C8orf74: variants seen among roughly 807,000 people sequenced by gnomAD.
C8orf74 encodes the protein uncharacterized protein C8orf74.
A neutral mutation model predicts 22.2 loss-of-function variants in C8orf74; 29 were observed. The observed-to-expected ratio is 1.31, with a 90% CI of 0.97 to 1.78. The LOEUF is 1.78. C8orf74 is among the 40% of genes most tolerant of loss of function. The pLI, the probability that C8orf74 is intolerant of heterozygous loss-of-function variation, is 0.00. For synonymous variants in C8orf74, 255 were observed against 163.1 expected (o/e 1.56, Z -4.30); for missense variants, 515 against 369.9 (o/e 1.39, Z -3.22).
At chr8:10,684,239 T>C (rs777314300) in intron 2 of C8orf74, among the ~76,000 whole-genome samples, 2 of 152,184 alleles carry the variant, frequency 1.3e-5, no homozygotes, top group African/African-American at 4.8e-5. Flanking sequence ...CATCACACAA[T>C]AGAGGGAAGA....
chr8:10,679,207 G>A (rs374710066), intron 2 of C8orf74, among the ~76,000 whole-genome samples: 13 of 152,254 alleles, frequency 8.5e-5, no homozygotes, highest in African/African-American at 2.9e-4. Context: ...TATGGCCCTG[G>A]AACGGTGGTC....
At chr8:10,691,713 C>G (rs1245303776) in intron 2 of C8orf74, 1 of 152,446 alleles carries the variant, frequency 6.6e-6, no homozygotes, top group Non-Finnish European at 1.5e-5. Flanking sequence ...CCTCTCACGT[C>G]TGGCCTCAGT....
chr8:10,679,597 C>G (rs558368151), intron 2 of C8orf74, among the ~76,000 whole-genome samples: 46 of 152,332 alleles, frequency 3.0e-4, no homozygotes, highest in South Asian at 1.9e-3. Context: ...CTAAGCCTCT[C>G]CCCGTCCTTG....
chr8:10,694,443 T>G (rs1799446306), intron 2 of C8orf74, among the ~76,000 whole-genome samples: 3 of 152,116 alleles, frequency 2.0e-5, no homozygotes, highest in Non-Finnish European at 2.9e-5. Context: ...GAGATAATTT[T>G]GAAGGCTTCA....
chr8:10,691,192 G>A (rs957281576), intron 2 of C8orf74: 1 of 344,260 alleles, frequency 2.9e-6, no homozygotes, highest in Admixed American at 3.8e-5. Context: ...CTTCCCTGTT[G>A]ACCCAGGACA....
chr8:10,680,676 A>C (rs1318594924), intron 2 of C8orf74, among the ~76,000 whole-genome samples: 7 of 152,224 alleles, frequency 4.6e-5, no homozygotes, highest in African/African-American at 1.7e-4. Flanking sequence ...CCAGCTGCCC[A>C]CACTCATGCT....
chr8:10,689,464 T>C (rs956264799), intron 2 of C8orf74: 1 of 152,226 alleles, frequency 6.6e-6, no homozygotes, highest in Non-Finnish European at 1.5e-5. Flanking sequence ...CTCATTAGCA[T>C]ATTAAAGCTC....
intron 2 of C8orf74, chr8:10,687,174 G>A: frequency 2.2e-6 from 1 of 455,800 alleles, no homozygotes. Flanking sequence ...ATTACTTATT[G>A]AGTGTTTACT....
rs536862485 is a variant in C8orf74, at chr8:10,694,001, C to T, written c.242-3598C>T. 2.0e-5 allele frequency among the ~76,000 whole-genome samples: 3 copies of T among 152,338 alleles called. No homozygotes were observed. In the South Asian group the frequency reaches 6.2e-4, roughly 32 times the overall value. On this transcript the variant is annotated intron_variant, in intron 2 of 3. Transcript: ENST00000304519. The stretch of plus-strand genomic sequence containing the variant: ...CACCCAGGCCAGGCTGCTGCCTGCT[C>T]CTCTGCTGTCACTCAGCTGGGCTGT...
chr8:10,700,121 G>T, intron 3 of C8orf74, 114 bp from the exon 4 acceptor site: 1 of 665,194 alleles, frequency 1.5e-6, no homozygotes. Context: ...CCGTGGGCAG[G>T]GTGAGACGGA....
intron 2 of C8orf74, among the ~76,000 whole-genome samples, chr8:10,687,462 CA>C (rs1185431750): frequency 6.6e-6 from 1 of 151,792 alleles, no homozygotes; most frequent in Non-Finnish European, 1.5e-5. Context: ...CCAGCCTGAC[CA>C]ACATGGCAAA....
intron 2 of C8orf74, chr8:10,687,324 G>A: frequency 3.2e-6 from 1 of 316,714 alleles, no homozygotes; most frequent in South Asian, 2.5e-5. Flanking sequence ...TATATGCAAT[G>A]GTTTTTATTA....
intron 2 of C8orf74, 46 bp downstream of exon 2, chr8:10,674,884 G>A (rs200749156): frequency 6.6e-7 from 1 of 1,509,734 alleles, no homozygotes; most frequent in Non-Finnish European, 8.9e-7. Flanking sequence ...GGCGGGATGG[G>A]GTGGGTACAC....
rs1278011554 is a variant in C8orf74 at position 10,700,462 on chromosome 8, A to G, written c.876A>G (p.Ala292=). 6 of 1,551,910 alleles carry G rather than the reference A, an allele frequency of 3.9e-6. No individual in the cohort carries two copies. The highest frequency in any genetic ancestry group is 5.2e-6 in the Non-Finnish European group (6 of 1,146,554). Residue 292 remains alanine, a synonymous_variant, in exon 4 of 4, where the codon GCA becomes GCG. Transcript: ENST00000304519. ...CGAGCAAAGGAAAGAAAGCGAAGGC[A>G]AGGAAGTAGAAGGTCCCGACTGCCA... ...QRASKGKKAK[A]RK
At chr8:10,683,240 G>A (rs894421390) in intron 2 of C8orf74, among the ~76,000 whole-genome samples, 2 of 152,194 alleles carry the variant, frequency 1.3e-5, no homozygotes, top group Non-Finnish European at 2.9e-5. Flanking sequence ...TGGGATCCTG[G>A]CCCCAGCAGG....
At chr8:10,690,326 G>C (rs1799349208) in intron 2 of C8orf74, among the ~76,000 whole-genome samples, 1 of 152,142 alleles carries the variant, frequency 6.6e-6, no homozygotes. Context: ...CCTAACTGAG[G>C]GGAGCTCACC....
chr8:10,674,640 C>G lies in C8orf74; in HGVS notation c.49-6C>G. The G allele has an allele frequency of 6.2e-7, 1 of 1,603,880 alleles. No homozygotes were observed. The highest frequency in any genetic ancestry group is 8.5e-7 in the Non-Finnish European group (1 of 1,175,320). ...TACCCTGCAGTTCCCATGTCATTCC[C>G]TGCAGAGACCACAAGGTCGGGAGCG... On this transcript the variant is annotated splice_region_variant and splice_polypyrimidine_tract_variant and intron_variant, in intron 1 of 3. Coordinates refer to ENST00000304519, the MANE Select transcript of C8orf74 (RefSeq NM_001040032.2).
chr8:10,693,934 T>A (rs918326435), intron 2 of C8orf74, among the ~76,000 whole-genome samples: 1 of 152,194 alleles, frequency 6.6e-6, no homozygotes, highest in African/African-American at 2.4e-5. Flanking sequence ...ATCATCTGCC[T>A]CCACCTTTAG....
chr8:10,686,801 A>G, intron 2 of C8orf74: 1 of 180,022 alleles, frequency 5.6e-6, no homozygotes, highest in Non-Finnish European at 1.2e-5. Context: ...GAGAAAGAGG[A>G]TAAAGCACAA....
Sources: gnomAD v4.1 joint callset for allele counts (sites outside exome capture counted in the v4.1 genomes callset) on GRCh38, gnomAD v4.1.1 for gene constraint, MANE v1.5 for transcripts, NCBI Gene and HGNC (gene_info 2026-07-23, HGNC 2026-07-21) for gene names.